The following CPEB3 variants were observed in gnomAD, a reference collection of about 807,000 sequenced individuals.
CPEB3 encodes the protein cytoplasmic polyadenylation element binding protein 3, also known as cytoplasmic polyadenylation element-binding protein 3.
CPEB3 carries 20 observed loss-of-function variants against 67.2 expected under a neutral mutation model. The ratio of observed to expected loss-of-function variants is 0.30; its 90% CI spans 0.21 to 0.43. The LOEUF is 0.43. Among genes scored for constraint, CPEB3 ranks in the 20% least tolerant of loss-of-function variants. CPEB3 has a pLI of 1.00. For missense variants in CPEB3, 746 were observed against 968.6 expected, an observed-to-expected ratio of 0.77 and a Z score of 3.05; for synonymous variants, 376 against 393.1, an observed-to-expected ratio of 0.96 and a Z score of 0.51.
At chr10:92,126,716 A>C (rs1317431217) in intron 6 of CPEB3, among the ~76,000 whole-genome samples, 3 of 152,222 alleles carry the variant, frequency 2.0e-5, no homozygotes, top group Non-Finnish European at 2.9e-5. Flanking sequence ...AGAGGAGCAA[A>C]ACAAATAAAA....
At chr10:92,287,278 G>A (rs1178224519) in intron 1 of CPEB3, among the ~76,000 whole-genome samples, 2 of 151,968 alleles carry the variant, frequency 1.3e-5, no homozygotes, top group East Asian at 3.9e-4. Flanking sequence ...ACAGGTATGC[G>A]CCACTATCAT....
At chr10:92,056,867 T>G (rs1842131109) in intron 9 of CPEB3, among the ~76,000 whole-genome samples, 1 of 152,152 alleles carries the variant, frequency 6.6e-6, no homozygotes, top group South Asian at 2.1e-4. Flanking sequence ...AGCTTCGTCT[T>G]GCATCTTGGA....
At chr10:92,122,618 T>A (rs1391274170) in intron 6 of CPEB3, among the ~76,000 whole-genome samples, 2 of 152,232 alleles carry the variant, frequency 1.3e-5, no homozygotes. Context: ...TAGAATAAAT[T>A]CACAGAGAAC....
At chr10:92,130,730 G>C (rs1845808763) in intron 6 of CPEB3, among the ~76,000 whole-genome samples, 1 of 151,108 alleles carries the variant, frequency 6.6e-6, no homozygotes, top group African/African-American at 2.4e-5. Flanking sequence ...ACTGAAAATG[G>C]TCATGCTTTT....
intron 6 of CPEB3, among the ~76,000 whole-genome samples, chr10:92,132,254 G>A (rs147745734): frequency 0.01 from 1,534 of 152,116 alleles, 12 homozygotes; most frequent in Middle Eastern, 0.02. Flanking sequence ...TTCTAAGAAC[G>A]CAAATCGATG....
intron 6 of CPEB3, among the ~76,000 whole-genome samples, chr10:92,115,279 G>A (rs1207646832): frequency 1.3e-5 from 2 of 152,164 alleles, no homozygotes; most frequent in Non-Finnish European, 2.9e-5. Context: ...TCAGCCTCCC[G>A]AGCAGCTGTG....
At chr10:92,105,232 A>G (rs1844388142) in intron 7 of CPEB3, among the ~76,000 whole-genome samples, 1 of 152,264 alleles carries the variant, frequency 6.6e-6, no homozygotes, top group Non-Finnish European at 1.5e-5. Flanking sequence ...AGATAAAATT[A>G]TAGTTATGTG....
intron 1 of CPEB3, among the ~76,000 whole-genome samples, chr10:92,257,489 T>A (rs1284347381): frequency 1.3e-5 from 2 of 151,768 alleles, no homozygotes; most frequent in Non-Finnish European, 2.9e-5. Context: ...ATAGATAGAG[T>A]TTTGCCATGT....
chr10:92,164,180 T>C (rs1441888738), intron 4 of CPEB3, among the ~76,000 whole-genome samples: 1 of 152,190 alleles, frequency 6.6e-6, no homozygotes, highest in Non-Finnish European at 1.5e-5. Context: ...GCTATCATTA[T>C]ACACATTTCC....
chr10:92,240,303 G>C lies in CPEB3; in HGVS notation c.48C>G (p.Pro16=), dbSNP rs1851783781. 1 of 1,509,554 alleles carries C rather than the reference G, an allele frequency of 6.6e-7. No homozygotes were observed. The allele number at this position is 1,509,554 out of a possible 1,614,324, so 93.5% of individuals were successfully genotyped here. ...GCTGCTGCTGCCGCTGCTGCTGCTG[G>C]GGCTGGGGCTGGGTTTTGCTTTTGT... ...LMDKSKTQPQ[P]QQQQRQQQQP... is the part of the protein sequence containing the mutation. The change falls in exon 2 of 10, where the codon CCC becomes CCG. Residue 16 remains proline (P), a synonymous_variant. Transcript: ENST00000265997.
chr10:92,092,008 G>T, intron 7 of CPEB3, 64 bp from the exon 8 acceptor site: 1 of 974,810 alleles, frequency 1.0e-6, no homozygotes, highest in South Asian at 1.3e-5. Flanking sequence ...AGAATAAGAT[G>T]ACTAAAGACA....
chr10:92,126,132 C>G (rs564241315), intron 6 of CPEB3, among the ~76,000 whole-genome samples: 1 of 152,282 alleles, frequency 6.6e-6, no homozygotes, highest in Non-Finnish European at 1.5e-5. Flanking sequence ...AATTCCCTCT[C>G]TCTGGAATTC....
At chr10:92,101,035 A>C (rs575598343) in intron 7 of CPEB3, among the ~76,000 whole-genome samples, 9 of 151,834 alleles carry the variant, frequency 5.9e-5, no homozygotes, top group African/African-American at 2.2e-4. Context: ...TTAACATCTC[A>C]CTCTGTATGG....
At position 92,052,227 on chromosome 10, in the gene CPEB3, C is replaced by T. The variant is rs147278295; in HGVS notation, c.2082G>A (p.Pro694=). The T allele has an allele frequency of 1.4e-4, 224 of 1,613,088 alleles. No homozygotes were observed. The highest frequency in any genetic ancestry group is 5.0e-5 in the Admixed American group (3 of 59,984). Reference sequence around the variant, plus strand: ...GGCCCGTGGCTCAGCTCCAGCGGAACGGGACGTGACGAGGGCGGTCGCCTC... The same window carrying T: ...GGCCCGTGGCTCAGCTCCAGCGGAATGGGACGTGACGAGGGCGGTCGCCTC... ...KEGGDRPRHV[P]FRWS Residue 694 remains proline (P), a synonymous_variant, in exon 10 of 10, where the codon CCG becomes CCA. Transcript: ENST00000265997.
chr10:92,138,222 C>T, intron 6 of CPEB3: 1 of 222,864 alleles, frequency 4.5e-6, no homozygotes, highest in East Asian at 1.1e-4. Context: ...CCACCTGTAT[C>T]CACAGAATTG....
chr10:92,199,168 G>A (rs1849382630), intron 2 of CPEB3, among the ~76,000 whole-genome samples: 1 of 152,032 alleles, frequency 6.6e-6, no homozygotes, highest in South Asian at 2.1e-4. Context: ...GAGGCAGGCG[G>A]ATCACCTGAG....
At chr10:92,132,967 A>G (rs1845913905) in intron 6 of CPEB3, among the ~76,000 whole-genome samples, 1 of 152,222 alleles carries the variant, frequency 6.6e-6, no homozygotes, top group South Asian at 2.1e-4. Context: ...CTTTGAAACC[A>G]ATGAGAACAA....
chr10:92,111,947 T>G (rs1479923069), intron 6 of CPEB3, among the ~76,000 whole-genome samples: 1 of 152,202 alleles, frequency 6.6e-6, no homozygotes, highest in Non-Finnish European at 1.5e-5. Context: ...GCTCTGCTTC[T>G]CTAAGAGATA....
At chr10:92,207,064 T>C (rs758218583) in intron 2 of CPEB3, among the ~76,000 whole-genome samples, 27 of 152,022 alleles carry the variant, frequency 1.8e-4, no homozygotes, top group Non-Finnish European at 3.4e-4. Flanking sequence ...TGGCTAATAG[T>C]CTGGACCTTC....
Sources: allele counts gnomAD v4.1 joint callset (sites outside exome capture counted in the v4.1 genomes callset), GRCh38; gene constraint gnomAD v4.1.1; transcripts MANE v1.5; gene names NCBI Gene and HGNC (gene_info 2026-07-23, HGNC 2026-07-21).